ARHGAP21: variants seen among roughly 807,000 people sequenced by gnomAD.
The protein encoded by ARHGAP21 is rho GTPase-activating protein 21.
Under a neutral mutation model 164.6 loss-of-function variants are expected in ARHGAP21, and 38 were observed. The observed-to-expected ratio is 0.23, with a 90% CI of 0.18 to 0.30. The LOEUF is 0.30. ARHGAP21 is among the 10% of genes least tolerant of loss of function. ARHGAP21 has a pLI of 1.00. For synonymous variants in ARHGAP21, 766 were observed against 857.9 expected (o/e 0.89, Z 1.87); for missense variants, 1,822 against 2,370.7 (o/e 0.77, Z 4.81).
rs546639091 is a variant in ARHGAP21 at position 24,595,268 on chromosome 10, A to G, written c.3713-78T>C. 11 of 1,187,516 alleles carry G rather than the reference A, an allele frequency of 9.3e-6. No individual in the cohort carries two copies. In the South Asian group the frequency reaches 1.3e-4, roughly 14 times the overall value. 73.6% of individuals were successfully genotyped at this position (1,187,516 alleles called of 1,614,324 possible). On this transcript the variant is annotated intron_variant, in intron 19 of 25. Coordinates refer to ENST00000396432, the MANE Select transcript of ARHGAP21 (RefSeq NM_020824.4). The stretch of plus-strand genomic sequence containing the variant: ...TAATCTAGTTTCCCTTTAAGGATCA[A>G]TTTTAAACCACAACATAGGAAAGAG...
At chr10:24,705,962 A>T (rs1480231427) in intron 2 of ARHGAP21, among the ~76,000 whole-genome samples, 2 of 152,244 alleles carry the variant, frequency 1.3e-5, no homozygotes, top group Non-Finnish European at 2.9e-5. Flanking sequence ...AAGAACACTC[A>T]AAAGCAGACA....
intron 2 of ARHGAP21, among the ~76,000 whole-genome samples, chr10:24,696,594 T>C (rs1252829728): frequency 2.0e-5 from 3 of 152,250 alleles, no homozygotes; most frequent in Admixed American, 2.0e-4. Flanking sequence ...TGAGGCACTA[T>C]GACCTAACAT....
chr10:24,609,259 T>C (rs1593007682), intron 9 of ARHGAP21, among the ~76,000 whole-genome samples: 2 of 152,232 alleles, frequency 1.3e-5, no homozygotes, highest in African/African-American at 4.8e-5. Flanking sequence ...TTAAGCATTA[T>C]TGCAAAGCAT....
intron 21 of ARHGAP21, among the ~76,000 whole-genome samples, chr10:24,592,438 T>C (rs542916983): frequency 3.3e-5 from 5 of 152,252 alleles, no homozygotes; most frequent in South Asian, 2.1e-4. Context: ...AAGAAGACTT[T>C]GATTGAAAAC....
In ARHGAP21 at chr10:24,620,815, G is replaced by C. The variant is rs751917834; in HGVS notation, c.1080C>G (p.Ser360Arg). 1 of 1,613,974 alleles carries C rather than the reference G, an allele frequency of 6.2e-7. No individual in the cohort carries two copies. The highest frequency in any genetic ancestry group is 1.3e-5 in the African/African-American group (1 of 74,908). The change falls in exon 9 of 26, where the codon AGC becomes AGG. Residue 360 changes from serine (S) to arginine (R), a missense_variant. Coordinates refer to ENST00000396432, the MANE Select transcript of ARHGAP21 (RefSeq NM_020824.4). ...GAGCCTCCACAGCTTGAGATCTGCTGCTTGAGATTCCATCAGAATGTCCAC... is the reference window on the plus strand; with the variant it reads ...GAGCCTCCACAGCTTGAGATCTGCTCCTTGAGATTCCATCAGAATGTCCAC... ...NYSGHSDGIS[S>R]SRSQAVEAPS...
At chr10:24,716,870 G>A (rs1255163780) in intron 2 of ARHGAP21, among the ~76,000 whole-genome samples, 2 of 152,184 alleles carry the variant, frequency 1.3e-5, no homozygotes, top group Non-Finnish European at 2.9e-5. Flanking sequence ...AGGAAGACTG[G>A]AAGGAGCATA....
At chr10:24,595,284 T>G in intron 19 of ARHGAP21, 94 bp from the exon 20 acceptor site, 1 of 1,017,212 alleles carries the variant, frequency 9.8e-7, no homozygotes, top group Non-Finnish European at 1.5e-6. Flanking sequence ...AACCACAACA[T>G]AGGAAAGAGT....
intron 2 of ARHGAP21, among the ~76,000 whole-genome samples, chr10:24,680,132 C>A (rs2131877812): frequency 6.6e-6 from 1 of 152,302 alleles, no homozygotes; most frequent in Non-Finnish European, 1.5e-5. Flanking sequence ...AAGATTGTGG[C>A]TGGTTTACAT....
chr10:24,626,057 T>C (rs1835110753), intron 7 of ARHGAP21, among the ~76,000 whole-genome samples: 1 of 152,196 alleles, frequency 6.6e-6, no homozygotes, highest in African/African-American at 2.4e-5. Flanking sequence ...GCTGTTTAAC[T>C]TTGCTGTGTT....
intron 1 of ARHGAP21, 123 bp downstream of exon 1, chr10:24,723,439 G>A (rs1440164307): frequency 6.8e-6 from 1 of 146,346 alleles, no homozygotes; most frequent in African/African-American, 2.5e-5. Context: ...CTCCGGCCCC[G>A]AGCCAGCGCC....
intron 1 of ARHGAP21, chr10:24,722,772 C>T (rs915130555): frequency 2.0e-5 from 3 of 152,116 alleles, no homozygotes; most frequent in African/African-American, 4.8e-5. Context: ...CCCCTCCGCC[C>T]CTCCGCCCCG....
intron 7 of ARHGAP21, among the ~76,000 whole-genome samples, chr10:24,624,859 A>G (rs777606616): frequency 6.6e-6 from 1 of 152,074 alleles, no homozygotes; most frequent in Non-Finnish European, 1.5e-5. Flanking sequence ...ATTCAACAGA[A>G]TATGACAAAA....
At chr10:24,615,438 G>C (rs1400009801) in intron 9 of ARHGAP21, among the ~76,000 whole-genome samples, 1 of 152,156 alleles carries the variant, frequency 6.6e-6, no homozygotes, top group East Asian at 1.9e-4. Context: ...AAAGCATGGG[G>C]AAGAGATGCC....
chr10:24,583,890 T>A lies in ARHGAP21; in HGVS notation c.*522A>T, dbSNP rs1441168623. The A allele has an allele frequency of 2.0e-5, 3 of 152,654 alleles. No homozygotes were observed. Among genetic ancestry groups the A allele is most frequent in the Non-Finnish European group, 4.4e-5 (3 of 68,030 alleles). The allele number at this position is 152,654 out of a possible 1,614,324, so 9.5% of individuals were successfully genotyped here. A position where few individuals can be genotyped will look rare whatever the true frequency, so the allele number is the denominator to read the frequency against. ...AAAACTCAAAAACTGTATTAAAAGT[T>A]TGAATATAAAACTCAGATCCACCTG... On this transcript the variant is annotated 3_prime_UTR_variant, in exon 26 of 26. Coordinates refer to ENST00000396432, the MANE Select transcript of ARHGAP21 (RefSeq NM_020824.4).
chr10:24,594,887 T>C, intron 21 of ARHGAP21, 63 bp downstream of exon 21: 1 of 1,324,636 alleles, frequency 7.5e-7, no homozygotes, highest in East Asian at 2.4e-5. Flanking sequence ...CATGAAGTAA[T>C]GAAGCATATC....
intron 4 of ARHGAP21, among the ~76,000 whole-genome samples, chr10:24,653,108 T>C (rs906637482): frequency 2.6e-5 from 4 of 152,138 alleles, no homozygotes; most frequent in African/African-American, 7.2e-5. Context: ...AAATACCCAT[T>C]TTAAGTGCAG....
At chr10:24,655,635 C>A (rs1838741916) in intron 4 of ARHGAP21, among the ~76,000 whole-genome samples, 1 of 148,070 alleles carries the variant, frequency 6.8e-6, no homozygotes, top group African/African-American at 2.5e-5. Flanking sequence ...CCGGCCGCCA[C>A]CCCGTCTGGG....
chr10:24,601,528 T>C (rs1477473600), intron 13 of ARHGAP21, among the ~76,000 whole-genome samples: 1 of 152,138 alleles, frequency 6.6e-6, no homozygotes. Context: ...GATGCATATA[T>C]TGATATTTTT....
intron 4 of ARHGAP21, among the ~76,000 whole-genome samples, chr10:24,647,691 C>T (rs1837714838): frequency 6.6e-6 from 1 of 152,066 alleles, no homozygotes; most frequent in South Asian, 2.1e-4. Context: ...ACTATATGTA[C>T]CAGGTACTTA....
Sources: allele counts gnomAD v4.1 joint callset (sites outside exome capture counted in the v4.1 genomes callset), GRCh38; gene constraint gnomAD v4.1.1; transcripts MANE v1.5; gene names NCBI Gene and HGNC (gene_info 2026-07-23, HGNC 2026-07-21).